COLGALT2: variants seen among roughly 807,000 people sequenced by gnomAD.
COLGALT2 encodes collagen beta(1-O)galactosyltransferase 2.
A neutral mutation model predicts 73.4 loss-of-function variants in COLGALT2; 49 were observed. The observed-to-expected ratio is 0.67, with a 90% CI of 0.53 to 0.85. The LOEUF (loss-of-function observed/expected upper bound fraction) is 0.85, where lower values mean the gene tolerates loss of function less well. Ranked by LOEUF, COLGALT2 falls within the 40% of genes least tolerant of loss-of-function variation. The pLI, the probability that COLGALT2 is intolerant of heterozygous loss-of-function variation, is 0.00. For missense variants in COLGALT2, 722 were observed against 790.2 expected (o/e 0.91, Z 1.03); for synonymous variants, 295 against 307.6 (o/e 0.96, Z 0.43).
At chr1:183,984,629 C>T (rs551644772) in intron 1 of COLGALT2, among the ~76,000 whole-genome samples, 1 of 152,280 alleles carries the variant, frequency 6.6e-6, no homozygotes, top group South Asian at 2.1e-4. Context: ...TGAGTCCTGG[C>T]CTGCTTTCTT....
intron 1 of COLGALT2, among the ~76,000 whole-genome samples, chr1:184,035,560 T>G (rs1181546982): frequency 2.6e-5 from 4 of 152,234 alleles, no homozygotes; most frequent in African/African-American, 9.6e-5. Context: ...AAAAGTTTAC[T>G]GTATGATAAA....
At chr1:184,035,345 A>G (rs1282750523) in intron 1 of COLGALT2, among the ~76,000 whole-genome samples, 1 of 152,218 alleles carries the variant, frequency 6.6e-6, no homozygotes, top group Non-Finnish European at 1.5e-5. Flanking sequence ...CACATATCAA[A>G]CTAGTAATAA....
downstream of COLGALT2, chr1:183,935,788 C>T (rs1046533400): frequency 5.5e-6 from 5 of 903,960 alleles, no homozygotes; most frequent in South Asian, 5.1e-5. Context: ...ATCTCTGCAG[C>T]GTTGGCCATT....
intron 9 of COLGALT2, among the ~76,000 whole-genome samples, 177 bp from the exon 10 acceptor site, chr1:183,944,500 G>T (rs535290880): frequency 6.6e-6 from 1 of 152,306 alleles, no homozygotes; most frequent in South Asian, 2.1e-4. Flanking sequence ...CAGCAGTGAG[G>T]ATATATGATC....
At chr1:184,007,043 T>G (rs765145518) in intron 1 of COLGALT2, among the ~76,000 whole-genome samples, 23 of 152,210 alleles carry the variant, frequency 1.5e-4, no homozygotes, top group Non-Finnish European at 2.5e-4. Flanking sequence ...GGAAGCAGTG[T>G]TAGCCATGGT....
At chr1:184,010,647 T>C (rs1672210518) in intron 1 of COLGALT2, among the ~76,000 whole-genome samples, 1 of 152,192 alleles carries the variant, frequency 6.6e-6, no homozygotes, top group South Asian at 2.1e-4. Flanking sequence ...GACAATCTCC[T>C]AGAACCATGA....
In COLGALT2 at chr1:184,037,175, G is replaced by C; in HGVS notation, c.183C>G (p.Ala61=). The change falls in exon 1 of 12, where the codon GCC becomes GCG. Residue 61 remains alanine (A), a synonymous_variant. Transcript: ENST00000361927. ...QSPTVLVAVL[A]RNAAHTLPHF... is the part of the protein sequence containing the mutation. ...GCGGCAGCGTGTGCGCCGCGTTGCG[G>C]GCGAGGACCGCCACGAGCACCGTGG... 6.2e-7 allele frequency: 1 copy of C among 1,604,914 alleles called. No homozygotes were observed. The highest frequency in any genetic ancestry group is 8.5e-7 in the Non-Finnish European group (1 of 1,177,270).
rs1398312329 is a variant in COLGALT2 at position 183,944,410 on chromosome 1, TC to T, written c.1270-88del. On this transcript the variant is annotated intron_variant, in intron 9 of 11. Transcript: ENST00000361927. ...TAAATAAGTATTAAAAAGTCACGAGTCTAGTAGCACAGATTCATAACTGGAA... is the reference window on the plus strand; with the variant it reads ...TAAATAAGTATTAAAAAGTCACGAGTTAGTAGCACAGATTCATAACTGGAA... 32 of 1,428,762 alleles carry T rather than the reference TC, an allele frequency of 2.2e-5. No individual in the cohort carries two copies. The Admixed American group carries it at 6.8e-4, about 30-fold the overall frequency. 88.5% of individuals were successfully genotyped at this position (1,428,762 alleles called of 1,614,324 possible).
At chr1:183,999,212 T>A (rs1671850051) in intron 1 of COLGALT2, among the ~76,000 whole-genome samples, 1 of 152,138 alleles carries the variant, frequency 6.6e-6, no homozygotes, top group East Asian at 1.9e-4. Context: ...TTTGCATCTA[T>A]TGAGATGAAC....
intron 10 of COLGALT2, among the ~76,000 whole-genome samples, 173 bp downstream of exon 10, chr1:183,944,023 T>C (rs979788535): frequency 2.6e-5 from 4 of 152,132 alleles, no homozygotes; most frequent in African/African-American, 4.8e-5. Context: ...GGATGCAAAA[T>C]CCAGTGGCTA....
intron 1 of COLGALT2, among the ~76,000 whole-genome samples, chr1:184,036,442 C>G (rs1649679341): frequency 6.6e-6 from 1 of 152,234 alleles, no homozygotes; most frequent in South Asian, 2.1e-4. Context: ...CCGGCAGGGA[C>G]AGCCCGGAGC....
intron 11 of COLGALT2, among the ~76,000 whole-genome samples, chr1:183,939,418 G>A (rs979782470): frequency 6.6e-6 from 1 of 152,160 alleles, no homozygotes; most frequent in Non-Finnish European, 1.5e-5. Context: ...GCAGTGATGG[G>A]GCATGTGGCA....
At chr1:183,958,916 C>T (rs1426214130) in intron 6 of COLGALT2, among the ~76,000 whole-genome samples, 1 of 151,786 alleles carries the variant, frequency 6.6e-6, no homozygotes, top group African/African-American at 2.4e-5. Flanking sequence ...TGACCTCTTA[C>T]CCCCAACAGC....
chr1:183,951,477 G>T (rs181129929), intron 7 of COLGALT2, among the ~76,000 whole-genome samples: 43 of 152,186 alleles, frequency 2.8e-4, no homozygotes, highest in African/African-American at 9.4e-4. Flanking sequence ...AAAACCATTA[G>T]AATTGATAAA....
chr1:184,017,392 A>T (rs1170122189), intron 1 of COLGALT2, among the ~76,000 whole-genome samples: 1 of 152,204 alleles, frequency 6.6e-6, no homozygotes, highest in African/African-American at 2.4e-5. Context: ...ACAAGTTTCA[A>T]TTGTTGTTTC....
In COLGALT2 at chr1:183,978,540, A is replaced by AT. The variant is rs1671267894; in HGVS notation, c.264-21dup. On this transcript the variant is annotated intron_variant, in intron 1 of 11. Coordinates refer to ENST00000361927, the MANE Select transcript of COLGALT2 (RefSeq NM_015101.4). ...GCTGCCCTGCATGAGAGAAAGCACA[A>AT]TATAGTTTAACTATGTCATCCAATG... is the stretch of plus-strand genomic sequence containing the variant. The AT allele has an allele frequency of 2.1e-6, 3 of 1,416,400 alleles. No individual in the cohort carries two copies. The highest frequency in any genetic ancestry group is 3.0e-6 in the Non-Finnish European group (3 of 1,004,792). 87.7% of individuals were successfully genotyped at this position (1,416,400 alleles called of 1,614,324 possible).
chr1:183,981,994 CTTAAA>C (rs1018926656), intron 1 of COLGALT2, among the ~76,000 whole-genome samples: 58 of 151,632 alleles, frequency 3.8e-4, no homozygotes, highest in Admixed American at 1.7e-3. Context: ...AAAATAGATA[CTTAAA>C]TTAAAACTAG....
rs747007291 is a variant in COLGALT2, at chr1:183,963,969, G to A, written c.884C>T (p.Pro295Leu). The change falls in exon 6 of 12, where the codon CCC becomes CTC. Residue 295 changes from proline (P) to leucine (L), a missense_variant. Coordinates refer to ENST00000361927, the MANE Select transcript of COLGALT2 (RefSeq NM_015101.4). The stretch of plus-strand genomic sequence containing the variant: ...CTGCAGTGTCTGATGGGGCTTCAGG[G>A]GGATGGGCAGGTAGCCATAGTGCTC... ...NREHYGYLPI[P>L]LKPHQTLQED... The A allele has an allele frequency of 3.7e-6, 6 of 1,613,420 alleles. No homozygotes were observed. In the African/African-American group the frequency reaches 4.0e-5, roughly 11 times the overall value.
At chr1:183,939,155 G>T in intron 11 of COLGALT2, 118 bp from the exon 12 acceptor site, 2 of 693,286 alleles carry the variant, frequency 2.9e-6, no homozygotes, top group Non-Finnish European at 4.8e-6. Flanking sequence ...TATTTCAATT[G>T]TGTCATTTGT....
Sources: gnomAD v4.1 joint callset for allele counts (sites outside exome capture counted in the v4.1 genomes callset) on GRCh38, gnomAD v4.1.1 for gene constraint, MANE v1.5 for transcripts, NCBI Gene and HGNC (gene_info 2026-07-23, HGNC 2026-07-21) for gene names.